The following AGMO variants were observed in gnomAD, a reference collection of about 807,000 sequenced individuals.
AGMO encodes the protein glyceryl-ether monooxygenase.
In AGMO, 75 loss-of-function variants were observed where a neutral mutation model predicts 60.2. The ratio of observed to expected loss-of-function variants is 1.25; its 90% CI spans 1.03 to 1.51. The LOEUF (loss-of-function observed/expected upper bound fraction) is 1.51, where lower values mean the gene tolerates loss of function less well. Among genes scored for constraint, AGMO ranks in the 40% most tolerant of loss-of-function variants. The pLI is 0.00. For synonymous variants in AGMO, 261 were observed against 177.1 expected, an observed-to-expected ratio of 1.47 and a Z score of -3.76; for missense variants, 763 against 525.5, an observed-to-expected ratio of 1.45 and a Z score of -4.42.
chr7:15,140,299 A>G, the AGMO span, among the ~76,000 whole-genome samples: 1 of 152,122 alleles, frequency 6.6e-6, no homozygotes, highest in African/African-American at 2.4e-5. Flanking sequence ...TTGGCAAACA[A>G]CTGTCAGTCA....
chr7:15,354,428 A>G (rs1206704454), intron 12 of AGMO, among the ~76,000 whole-genome samples: 425 of 23,238 alleles, frequency 0.018, 29 homozygotes, highest in Middle Eastern at 0.12. Flanking sequence ...GTATACACAC[A>G]CGTGTGTGTA....
intron 12 of AGMO, among the ~76,000 whole-genome samples, chr7:15,275,528 T>C (rs907752785): frequency 6.6e-5 from 10 of 152,178 alleles, no homozygotes; most frequent in Non-Finnish European, 1.5e-4. Context: ...CTGTAGTTGT[T>C]GGAAAGAATG....
At chr7:15,179,980 A>G in the AGMO span, among the ~76,000 whole-genome samples, 6 of 152,116 alleles carry the variant, frequency 3.9e-5, no homozygotes, top group Non-Finnish European at 8.8e-5. Flanking sequence ...TGGCAAACCT[A>G]TGGGGCATTC....
chr7:15,371,910 T>TTAG (rs199535145), intron 10 of AGMO, among the ~76,000 whole-genome samples: 13,298 of 143,694 alleles, frequency 0.093, 163 homozygotes, highest in Non-Finnish European at 0.12. Flanking sequence ...AGTTTAATAT[T>TTAG]AAATTATTAA....
intron 3 of AGMO, among the ~76,000 whole-genome samples, chr7:15,441,497 A>G (rs911507324): frequency 2.6e-5 from 4 of 152,194 alleles, no homozygotes; most frequent in African/African-American, 7.2e-5. Context: ...CATGCTTTAC[A>G]TAGATTGAAA....
intron 5 of AGMO, among the ~76,000 whole-genome samples, chr7:15,394,463 C>G (rs752352916): frequency 1.3e-5 from 2 of 152,130 alleles, no homozygotes; most frequent in Non-Finnish European, 2.9e-5. Flanking sequence ...CTGTGTGATC[C>G]TGGGGAAACG....
intron 10 of AGMO, among the ~76,000 whole-genome samples, chr7:15,380,823 C>G (rs749239037): frequency 1.3e-5 from 2 of 152,080 alleles, no homozygotes; most frequent in Admixed American, 6.6e-5. Context: ...GGTACTGGCA[C>G]AAAAACAGTC....
intron 12 of AGMO, among the ~76,000 whole-genome samples, chr7:15,299,739 A>T (rs112868846): frequency 0.043 from 6,484 of 151,640 alleles, 473 homozygotes; most frequent in African/African-American, 0.15. Flanking sequence ...GAGGCAGGAG[A>T]ATTGCTCGAA....
At chr7:15,387,145 A>G (rs577128750) in intron 9 of AGMO, among the ~76,000 whole-genome samples, 1 of 152,296 alleles carries the variant, frequency 6.6e-6, no homozygotes, top group South Asian at 2.1e-4. Flanking sequence ...GTTCAAGTCG[A>G]TATGAAAACC....
At chr7:15,161,892 G>T in the AGMO span, among the ~76,000 whole-genome samples, 2 of 152,160 alleles carry the variant, frequency 1.3e-5, no homozygotes, top group African/African-American at 4.8e-5. Flanking sequence ...GTTTGCCTCA[G>T]AAGGTTAACT....
At chr7:15,496,310 T>G (rs796920000) in intron 3 of AGMO, among the ~76,000 whole-genome samples, 2 of 152,168 alleles carry the variant, frequency 1.3e-5, no homozygotes, top group African/African-American at 4.8e-5. Flanking sequence ...ATTGGCTTTG[T>G]GCATCAGGGT....
At chr7:15,147,971 G>C in the AGMO span, among the ~76,000 whole-genome samples, 2 of 152,108 alleles carry the variant, frequency 1.3e-5, no homozygotes, top group African/African-American at 4.8e-5. Context: ...GTCAATTTTG[G>C]AATATTTTCC....
In AGMO at chr7:15,362,236, T is replaced by C. The variant is rs140815609; in HGVS notation, c.1263+3278A>G. Among the ~76,000 whole-genome samples, 1,089 of 152,260 alleles carry C rather than the reference T, an allele frequency of 7.2e-3. 15 individuals are homozygous for C. The highest frequency in any genetic ancestry group is 0.025 in the African/African-American group (1,046 of 41,542). On this transcript the variant is annotated intron_variant, in intron 12 of 12. Coordinates refer to ENST00000342526, the MANE Select transcript of AGMO (RefSeq NM_001004320.2). ...ATATGAAGAAAACACAGATTTGAAA[T>C]TCATAATTAATAATATAAGAATTGG... is the stretch of plus-strand genomic sequence containing the variant.
At chr7:15,291,471 A>G (rs1311184036) in intron 12 of AGMO, among the ~76,000 whole-genome samples, 4 of 152,166 alleles carry the variant, frequency 2.6e-5, no homozygotes, top group Admixed American at 6.5e-5. Context: ...GTAATATGAA[A>G]TTTTTTAAAT....
intron 12 of AGMO, among the ~76,000 whole-genome samples, chr7:15,315,677 C>G (rs1443225926): frequency 6.6e-6 from 1 of 151,968 alleles, no homozygotes; most frequent in Non-Finnish European, 1.5e-5. Flanking sequence ...CAGAAAAGTT[C>G]TAGTTCTAAA....
intron 3 of AGMO, among the ~76,000 whole-genome samples, chr7:15,524,058 G>C (rs1784064558): frequency 6.6e-6 from 1 of 151,916 alleles, no homozygotes; most frequent in Admixed American, 6.6e-5. Context: ...TATTTTTGTT[G>C]TGTATGTATT....
chr7:15,333,213 T>A (rs1047085968), intron 12 of AGMO, among the ~76,000 whole-genome samples: 5 of 152,198 alleles, frequency 3.3e-5, no homozygotes, highest in East Asian at 1.9e-4. Context: ...TCAGCAACAA[T>A]CCACTTTTAA....
chr7:15,251,084 A>T (rs1184630887), intron 12 of AGMO, among the ~76,000 whole-genome samples: 1 of 152,140 alleles, frequency 6.6e-6, no homozygotes, highest in Non-Finnish European at 1.5e-5. Context: ...TATTAATATA[A>T]TATTTGATAG....
rs1391333607 is a variant in AGMO, at chr7:15,552,567, A to C, written c.257+7574T>G. Among the ~76,000 whole-genome samples the C allele has an allele frequency of 3.2e-3, 478 of 149,246 alleles. 4 individuals carry two copies. Among genetic ancestry groups the C allele is most frequent in the African/African-American group, 0.011 (449 of 40,606 alleles). On this transcript the variant is annotated intron_variant, in intron 2 of 12. Coordinates refer to ENST00000342526, the MANE Select transcript of AGMO (RefSeq NM_001004320.2). ...TTTATGCAGCCAAAAAACACATGAA[A>C]AAATGCTCATCATCACTGGCCATCA... is the stretch of plus-strand genomic sequence containing the variant.
Sources: gnomAD v4.1 joint callset for allele counts (sites outside exome capture counted in the v4.1 genomes callset) on GRCh38, gnomAD v4.1.1 for gene constraint, MANE v1.5 for transcripts, NCBI Gene and HGNC (gene_info 2026-07-23, HGNC 2026-07-21) for gene names.